Variants in IKBKE observed in about 807,000 individuals in gnomAD.
The protein encoded by IKBKE is inhibitor of nuclear factor kappa-B kinase subunit epsilon.
IKBKE carries 45 observed loss-of-function variants against 92.1 expected under a neutral mutation model. The observed-to-expected ratio is 0.49, with a 90% CI of 0.38 to 0.63. IKBKE has a LOEUF of 0.63. IKBKE is among the 20% of genes least tolerant of loss of function. The probability of loss-of-function intolerance (pLI) is 0.00; values close to 1 mark genes in which losing one functional copy is unlikely to be tolerated. For missense variants in IKBKE, 700 were observed against 932.8 expected (o/e 0.75, Z 3.25); for synonymous variants, 374 against 380.3 (o/e 0.98, Z 0.19).
At chr1:206,480,414 A>G (rs868933903) in intron 12 of IKBKE, 33 bp from the exon 13 acceptor site, 2 of 1,563,182 alleles carry the variant, frequency 1.3e-6, no homozygotes, top group Middle Eastern at 1.7e-4. Flanking sequence ...TCCCCCGATC[A>G]AGGCAGCTCT....
Position 206,490,820 on chromosome 1 carries a change from G to A in IKBKE, c.1695G>A (p.Gly565=), listed in dbSNP as rs1254666393. 6.2e-7 allele frequency: 1 copy of A among 1,614,162 alleles called. No individual in the cohort carries two copies. The highest frequency in any genetic ancestry group is 8.5e-7 in the Non-Finnish European group (1 of 1,180,002). ...ATCTGTTCTGTCTGTTTCCTCCAGG[G>A]CTTGGCTACAACGAGGAGCAGATTC... ...KQFKKSRMRP[G]LGYNEEQIHK... Residue 565 remains glycine (G), a splice_region_variant and synonymous_variant, in exon 17 of 22, where the codon GGG becomes GGA. Coordinates refer to ENST00000581977, the MANE Select transcript of IKBKE (RefSeq NM_014002.4). This position sits in a 1 kb window ranked among gnomAD's most constrained non-coding sequence, Gnocchi z 5.2.
chr1:206,487,573 T>C lies in IKBKE; in HGVS notation c.1617-341T>C, dbSNP rs1246570503. Among the ~76,000 whole-genome samples, 1 of 152,084 alleles carries C rather than the reference T, an allele frequency of 6.6e-6. No individual in the cohort carries two copies. Among genetic ancestry groups the C allele is most frequent in the Non-Finnish European group, 1.5e-5 (1 of 68,002 alleles). On this transcript the variant is annotated intron_variant, in intron 15 of 21. Coordinates refer to ENST00000581977, the MANE Select transcript of IKBKE (RefSeq NM_014002.4). The surrounding 1 kb of genome is among the most constrained non-coding windows in gnomAD (Gnocchi z 5.3). ...TTAGGTTTCAGGGGCCTAGGCTCCT[T>C]CCCAGGGCCTAGTCTCACAACTTCT...
At chr1:206,473,062 C>T (rs549410389) in intron 2 of IKBKE, 134 bp from the exon 3 acceptor site, 12 of 660,834 alleles carry the variant, frequency 1.8e-5, no homozygotes, top group East Asian at 1.7e-4. Flanking sequence ...ACACTTCCCC[C>T]GCTCCCTTGC....
At chr1:206,483,036 C>T (rs1665484524) in intron 13 of IKBKE, among the ~76,000 whole-genome samples, 2 of 152,264 alleles carry the variant, frequency 1.3e-5, no homozygotes, top group Admixed American at 1.3e-4. Flanking sequence ...TCCCAAAGCT[C>T]CCTGGCCCTC....
At chr1:206,477,329 C>T (rs1483329326) in intron 7 of IKBKE, among the ~76,000 whole-genome samples, 2 of 152,156 alleles carry the variant, frequency 1.3e-5, no homozygotes, top group South Asian at 2.1e-4. Flanking sequence ...CCCACCTCAG[C>T]CCCGGGGTCC....
intron 13 of IKBKE, among the ~76,000 whole-genome samples, chr1:206,482,787 A>G (rs573476486): frequency 6.6e-6 from 1 of 152,196 alleles, no homozygotes; most frequent in Non-Finnish European, 1.5e-5. Context: ...CACATGTTGC[A>G]AGCCCATTCT....
chr1:206,492,089 A>G (rs1553390561), intron 18 of IKBKE: 5 of 322,606 alleles, frequency 1.5e-5, no homozygotes, highest in Non-Finnish European at 3.0e-5. Flanking sequence ...CTGCCTCTAC[A>G]ATCTAGATTC....
At position 206,485,167 on chromosome 1, in the gene IKBKE, A is replaced by G. The variant is rs2103472053; in HGVS notation, c.1504-27A>G. 6.4e-7 allele frequency: 1 copy of G among 1,574,630 alleles called. No individual in the cohort carries two copies. The highest frequency in any genetic ancestry group is 2.2e-5 in the East Asian group (1 of 44,668). On this transcript the variant is annotated intron_variant, in intron 14 of 21. Coordinates refer to ENST00000581977, the MANE Select transcript of IKBKE (RefSeq NM_014002.4). The surrounding 1 kb of genome is among the most constrained non-coding windows in gnomAD (Gnocchi z 5.0). The stretch of plus-strand genomic sequence containing the variant: ...CACCAGTGCCCAGGCTGAAGACCCC[A>G]CGGGGGTCTGCCTTTGTGCCCCACA...
At chr1:206,474,535 G>A in intron 4 of IKBKE, 64 bp downstream of exon 4, 1 of 1,475,160 alleles carries the variant, frequency 6.8e-7, no homozygotes, top group Non-Finnish European at 9.2e-7. Context: ...GGGAGAATCA[G>A]GCCACATGAT....
At chr1:206,494,078 A>G in intron 21 of IKBKE, 87 bp downstream of exon 21, 2 of 1,137,926 alleles carry the variant, frequency 1.8e-6, no homozygotes, top group Admixed American at 3.8e-5. Context: ...AAGCCTGCCC[A>G]TGCAGGTTTG....
At chr1:206,482,015 G>A (rs535629836) in intron 13 of IKBKE, among the ~76,000 whole-genome samples, 15 of 152,042 alleles carry the variant, frequency 9.9e-5, no homozygotes, top group East Asian at 5.8e-4. Flanking sequence ...TCCTGACCTC[G>A]TGATCTGCCT....
At chr1:206,474,620 A>C (rs1572236631) in intron 4 of IKBKE, 149 bp downstream of exon 4, 19 of 570,912 alleles carry the variant, frequency 3.3e-5, no homozygotes, top group Non-Finnish European at 4.2e-5. Context: ...AAAGGGGGCA[A>C]GGGGGTGGGG....
At chr1:206,477,193 G>A (rs1035180774) in intron 7 of IKBKE, among the ~76,000 whole-genome samples, 16 of 152,160 alleles carry the variant, frequency 1.1e-4, no homozygotes, top group African/African-American at 3.9e-4. Context: ...CAGGTCCAAG[G>A]TCTTTCCATG....
At position 206,476,377 on chromosome 1, in the gene IKBKE, C is replaced by G. The variant is rs782572574; in HGVS notation, c.540+15C>G. 3.1e-6 allele frequency: 5 copies of G among 1,593,208 alleles called. No homozygotes were observed. Among genetic ancestry groups the G allele is most frequent in the Non-Finnish European group, 4.3e-6 (5 of 1,167,570 alleles). On this transcript the variant is annotated intron_variant, in intron 6 of 21. Transcript: ENST00000581977. The surrounding 1 kb of genome is among the most constrained non-coding windows in gnomAD (Gnocchi z 5.1). Reference sequence around the variant, plus strand: ...AGGAGTACCTGGTGGGTGAGCTGCTCGAGACCCGCTGCCCTATGCTGAGGG... The same window carrying G: ...AGGAGTACCTGGTGGGTGAGCTGCTGGAGACCCGCTGCCCTATGCTGAGGG...
Position 206,476,403 on chromosome 1 carries a change from C to A in IKBKE, c.540+41C>A, listed in dbSNP as rs1665066283. 1.3e-6 allele frequency: 2 copies of A among 1,561,200 alleles called. No homozygotes were observed. Among genetic ancestry groups the A allele is most frequent in the African/African-American group, 2.7e-5 (2 of 74,030 alleles). Reference sequence around the variant, plus strand: ...GAGACCCGCTGCCCTATGCTGAGGGCTCCCCTTGCCTTGTGAGCCCCCCAG... The same window carrying A: ...GAGACCCGCTGCCCTATGCTGAGGGATCCCCTTGCCTTGTGAGCCCCCCAG... On this transcript the variant is annotated intron_variant, in intron 6 of 21. Transcript: ENST00000581977. This position sits in a 1 kb window ranked among gnomAD's most constrained non-coding sequence, Gnocchi z 5.1.
intron 21 of IKBKE, 45 bp from the exon 22 acceptor site, chr1:206,496,067 C>T (rs782069235): frequency 6.5e-7 from 1 of 1,536,974 alleles, no homozygotes; most frequent in Non-Finnish European, 9.0e-7. Context: ...GGTCTGCAGG[C>T]CTCTCCAACA....
intron 2 of IKBKE, among the ~76,000 whole-genome samples, chr1:206,471,522 T>C (rs548775233): frequency 6.6e-6 from 1 of 152,306 alleles, no homozygotes; most frequent in South Asian, 2.1e-4. Flanking sequence ...CACTGCCTAT[T>C]ATCCCAGAGT....
In IKBKE at chr1:206,476,768, T is replaced by A. The variant is rs782336421; in HGVS notation, c.631T>A (p.Leu211Met). The change falls in exon 7 of 22, where the codon TTG (leucine) becomes ATG (methionine). Residue 211 changes from leucine (L) to methionine (M), a missense_variant. Coordinates refer to ENST00000581977, the MANE Select transcript of IKBKE (RefSeq NM_014002.4). This position sits in a 1 kb window ranked among gnomAD's most constrained non-coding sequence, Gnocchi z 5.1. ...TVDLWSIGVT[L>M]YHAATGSLPF... ...GGATCTCTGGAGCATTGGAGTGACC[T>A]TGTACCATGCAGCCACTGGCAGCCT... 23 of 1,614,110 alleles carry A rather than the reference T, an allele frequency of 1.4e-5. No individual in the cohort carries two copies. The highest frequency in any genetic ancestry group is 1.9e-5 in the Non-Finnish European group (23 of 1,180,036).
chr1:206,486,486 C>T (rs1665668983), intron 15 of IKBKE, among the ~76,000 whole-genome samples: 1 of 146,386 alleles, frequency 6.8e-6, no homozygotes, highest in Non-Finnish European at 1.5e-5. Context: ...GGCTGTGGAT[C>T]GAGGCCCCAT....
Sources: allele counts gnomAD v4.1 joint callset (sites outside exome capture counted in the v4.1 genomes callset), GRCh38; gene constraint gnomAD v4.1.1; non-coding constraint Gnocchi (gnomAD v3.1); transcripts MANE v1.5; gene names NCBI Gene and HGNC (gene_info 2026-07-23, HGNC 2026-07-21).